The following GSAP variants were observed in gnomAD, a reference collection of about 807,000 sequenced individuals.
The protein encoded by GSAP is gamma-secretase-activating protein.
In GSAP, 118 loss-of-function variants were observed where a neutral mutation model predicts 131.7. That is an observed-to-expected ratio of 0.90 (90% CI 0.77 to 1.04). The LOEUF (loss-of-function observed/expected upper bound fraction) is 1.04. Ranked by LOEUF, GSAP falls within the 50% of genes least tolerant of loss-of-function variation. The probability of loss-of-function intolerance (pLI) is 0.00; values close to 1 mark genes in which losing one functional copy is unlikely to be tolerated. For synonymous variants in GSAP, 381 were observed against 363.4 expected, an observed-to-expected ratio of 1.05 and a Z score of -0.55; for missense variants, 1,019 against 1,013.2, an observed-to-expected ratio of 1.01 and a Z score of -0.08.
intron 26 of GSAP, among the ~76,000 whole-genome samples, chr7:77,317,418 C>A (rs1051915610): frequency 3.3e-5 from 5 of 152,032 alleles, no homozygotes; most frequent in Admixed American, 3.3e-4. Flanking sequence ...AGGAGAAATA[C>A]CTAATGTAAA....
At chr7:77,314,200 C>T (rs6942520) in intron 27 of GSAP, among the ~76,000 whole-genome samples, 170 bp downstream of exon 27, 23,274 of 152,128 alleles carry the variant, frequency 0.15, 2,017 homozygotes, top group South Asian at 0.29. Flanking sequence ...AGCAAGCCCT[C>T]GTTCAAATAC....
intron 3 of GSAP, 64 bp from the exon 4 acceptor site, chr7:77,397,479 T>C (rs1800611100): frequency 4.4e-6 from 4 of 901,486 alleles, no homozygotes; most frequent in Non-Finnish European, 7.1e-6. Flanking sequence ...TGTATGAACA[T>C]AAATTCCCAT....
intron 7 of GSAP, 85 bp downstream of exon 7, chr7:77,382,489 T>C: frequency 1.4e-6 from 1 of 722,144 alleles, no homozygotes; most frequent in South Asian, 1.6e-5. Flanking sequence ...GGCAGGTGGA[T>C]ATCTAGAAGA....
chr7:77,377,317 G>T lies in GSAP; in HGVS notation c.650C>A (p.Ser217Ter), dbSNP rs1584594006. ...EDFVWAQWDMSEQRLYYIDLK... is the reference protein window; with the variant it reads ...EDFVWAQWDM ...GTCAATGTAATATAATCTCTGTTCT[G>T]ACATATCCCACTGAGCCCAAACGAA... Residue 217 changes from serine (S) to a stop codon, truncating the protein, a stop_gained, in exon 9 of 31, where the codon TCA becomes TAA. Transcript: ENST00000257626. LOFTEE classifies it high-confidence loss of function. 2 of 1,523,318 alleles carry T rather than the reference G, an allele frequency of 1.3e-6. No homozygotes were observed. The highest frequency in any genetic ancestry group is 1.8e-6 in the Non-Finnish European group (2 of 1,137,580). 94.4% of individuals were successfully genotyped at this position (1,523,318 alleles called of 1,614,324 possible). A position where few individuals can be genotyped will look rare whatever the true frequency, so the allele number is the denominator to read the frequency against.
intron 6 of GSAP, among the ~76,000 whole-genome samples, chr7:77,384,179 A>G (rs966620671): frequency 7.2e-5 from 11 of 152,202 alleles, no homozygotes; most frequent in African/African-American, 2.4e-4. Context: ...AAATATGGAG[A>G]TATCTGCTGC....
At chr7:77,351,595 G>C in intron 18 of GSAP, 1 of 985,776 alleles carries the variant, frequency 1.0e-6, no homozygotes, top group Non-Finnish European at 1.2e-6. Flanking sequence ...TTCAGTACAG[G>C]GAGGTTATAA....
chr7:77,404,669 T>C (rs977418261), intron 2 of GSAP, 54 bp from the exon 3 acceptor site: 8 of 1,062,478 alleles, frequency 7.5e-6, no homozygotes, highest in African/African-American at 6.3e-5. Context: ...GAAGTTAGAA[T>C]GTTACTAGTT....
intron 20 of GSAP, 49 bp downstream of exon 20, chr7:77,330,190 A>G (rs2150678398): frequency 6.4e-7 from 1 of 1,566,176 alleles, no homozygotes; most frequent in East Asian, 2.3e-5. Flanking sequence ...ACCTGGATCC[A>G]GTCCACTATG....
chr7:77,322,063 C>G (rs1303676190), intron 24 of GSAP, among the ~76,000 whole-genome samples: 1 of 152,082 alleles, frequency 6.6e-6, no homozygotes, highest in Non-Finnish European at 1.5e-5. Context: ...AAGAGCAGTC[C>G]CTATGGAGTT....
chr7:77,396,380 G>T (rs1800394940), intron 5 of GSAP, among the ~76,000 whole-genome samples: 1 of 152,096 alleles, frequency 6.6e-6, no homozygotes, highest in African/African-American at 2.4e-5. Context: ...TAGACTGAAA[G>T]CCCCATGAGG....
At chr7:77,346,269 T>TTAAAA (rs1562988965) in intron 19 of GSAP, among the ~76,000 whole-genome samples, 3 of 39,650 alleles carry the variant, frequency 7.6e-5, no homozygotes, top group African/African-American at 5.5e-4. Context: ...AGACTCCATC[T>TTAAAA]CAAAAAAAAA....
At chr7:77,378,319 T>TA (rs747550383) in intron 8 of GSAP, among the ~76,000 whole-genome samples, 23 of 151,438 alleles carry the variant, frequency 1.5e-4, no homozygotes, top group East Asian at 1.2e-3. Flanking sequence ...CCATCTCTAC[T>TA]AAAAAAATAC....
intron 1 of GSAP, among the ~76,000 whole-genome samples, chr7:77,414,631 G>C (rs1028442683): frequency 6.6e-6 from 1 of 152,180 alleles, no homozygotes; most frequent in Admixed American, 6.5e-5. Flanking sequence ...CCAGGTCCCA[G>C]TGGGTCACAC....
Position 77,374,118 on chromosome 7 carries a change from C to G in GSAP, c.823G>C (p.Asp275His), listed in dbSNP as rs773917043. ...NFGCDYHQYR[D>H]KFSKHLTLCV... Reference sequence around the variant, plus strand: ...AGAGTCAGGTGTTTGGAAAATTTATCTCGGTATTGATGATAATCACATCCA... The same window carrying G: ...AGAGTCAGGTGTTTGGAAAATTTATGTCGGTATTGATGATAATCACATCCA... Residue 275 changes from aspartate to histidine, a missense_variant, in exon 12 of 31, where the codon GAT becomes CAT. Asp to His is a moderately conservative substitution (Grantham distance 81). Coordinates refer to ENST00000257626, the MANE Select transcript of GSAP (RefSeq NM_017439.4). The G allele has an allele frequency of 1.2e-5, 19 of 1,594,350 alleles. No homozygotes were observed. The highest frequency in any genetic ancestry group is 1.5e-5 in the Non-Finnish European group (17 of 1,164,810).
At chr7:77,403,238 T>G (rs865974983) in intron 3 of GSAP, among the ~76,000 whole-genome samples, 38 of 152,166 alleles carry the variant, frequency 2.5e-4, no homozygotes, top group African/African-American at 6.0e-4. Context: ...TATTGTGAGT[T>G]TATGTTGATC....
rs201984249 is a variant in GSAP, at chr7:77,330,373, G to A, written c.1546-6C>T. On this transcript the variant is annotated splice_region_variant and splice_polypyrimidine_tract_variant and intron_variant, in intron 19 of 30. Coordinates refer to ENST00000257626, the MANE Select transcript of GSAP (RefSeq NM_017439.4). ...TAGCCCTTAAAGCTGAGCACCTGTA[G>A]GAGACAAAAACATCAGTGGCCTTCA... The A allele has an allele frequency of 2.5e-6, 4 of 1,612,606 alleles. No homozygotes were observed. Among genetic ancestry groups the A allele is most frequent in the African/African-American group, 1.3e-5 (1 of 74,944 alleles).
chr7:77,343,652 T>G (rs1418993136), intron 19 of GSAP, among the ~76,000 whole-genome samples: 2 of 152,204 alleles, frequency 1.3e-5, no homozygotes, highest in Non-Finnish European at 2.9e-5. Flanking sequence ...TGTCCCTCAC[T>G]GCCAGTTTTT....
chr7:77,341,105 AT>A (rs1562976295), intron 19 of GSAP, among the ~76,000 whole-genome samples: 1 of 152,130 alleles, frequency 6.6e-6, no homozygotes, highest in Non-Finnish European at 1.5e-5. Flanking sequence ...TGATTTCTCC[AT>A]TTTACAAGAC....
chr7:77,396,582 G>A (rs1040683740), intron 5 of GSAP, among the ~76,000 whole-genome samples: 1 of 152,128 alleles, frequency 6.6e-6, no homozygotes, highest in African/African-American at 2.4e-5. Context: ...TGGCAAATGA[G>A]CAGAATTAAT....
Sources: gnomAD v4.1 joint callset for allele counts (sites outside exome capture counted in the v4.1 genomes callset) on GRCh38, gnomAD v4.1.1 for gene constraint, MANE v1.5 for transcripts, NCBI Gene and HGNC (gene_info 2026-07-23, HGNC 2026-07-21) for gene names.